CHPT1: variants seen among roughly 807,000 people sequenced by gnomAD.
CHPT1 encodes the protein choline phosphotransferase 1, also known as cholinephosphotransferase 1.
A neutral mutation model predicts 47.6 loss-of-function variants in CHPT1; 36 were observed. The observed-to-expected ratio is 0.76, with a 90% CI of 0.58 to 1.00. The LOEUF is 1.00. Among genes scored for constraint, CHPT1 ranks in the 50% least tolerant of loss-of-function variants. CHPT1 has a pLI of 0.00. For missense variants in CHPT1, 458 were observed against 498.1 expected (o/e 0.92, Z 0.77); for synonymous variants, 194 against 186.3 (o/e 1.04, Z -0.33).
In CHPT1 at chr12:101,697,996, G is replaced by A; in HGVS notation, c.135G>A (p.Pro45=). 6.4e-7 allele frequency: 1 copy of A among 1,559,018 alleles called. No homozygotes were observed. The change falls in exon 1 of 9, where the codon CCG becomes CCA. Residue 45 remains proline, a synonymous_variant. Coordinates refer to ENST00000229266, the MANE Select transcript of CHPT1 (RefSeq NM_020244.3). ...SAAGVSLLEP[P]LQLYWTWLLQ... Reference sequence around the variant, plus strand: ...CGGGCGTCTCGCTGCTCGAGCCGCCGCTGCAGCTCTACTGGACCTGGCTGC... The same window carrying A: ...CGGGCGTCTCGCTGCTCGAGCCGCCACTGCAGCTCTACTGGACCTGGCTGC...
chr12:101,716,608 G>A, intron 3 of CHPT1, 120 bp from the exon 4 acceptor site: 1 of 576,040 alleles, frequency 1.7e-6, no homozygotes, highest in Non-Finnish European at 3.0e-6. Flanking sequence ...GGAAGTAAAG[G>A]TAAAAATAAA....
At chr12:101,699,105 CA>C (rs1951511597) in intron 1 of CHPT1, among the ~76,000 whole-genome samples, 1 of 152,164 alleles carries the variant, frequency 6.6e-6, no homozygotes, top group South Asian at 2.1e-4. Context: ...GTTTTTGAGA[CA>C]GGGGTTTACT....
intron 1 of CHPT1, among the ~76,000 whole-genome samples, chr12:101,706,652 G>A (rs1951638272): frequency 6.6e-6 from 1 of 152,116 alleles, no homozygotes. Flanking sequence ...AGAACCATGA[G>A]CCAAATAAGT....
chr12:101,724,651 G>C (rs1951912453), intron 7 of CHPT1, among the ~76,000 whole-genome samples: 2 of 152,096 alleles, frequency 1.3e-5, no homozygotes, highest in African/African-American at 4.8e-5. Context: ...TTATGTGTAT[G>C]GCCCTTGAGG....
chr12:101,699,268 A>G (rs975839188), intron 1 of CHPT1, among the ~76,000 whole-genome samples: 3 of 152,116 alleles, frequency 2.0e-5, no homozygotes, highest in Non-Finnish European at 2.9e-5. Context: ...TTGTGTTTTT[A>G]GTAGATACAA....
rs749250020 is a variant in CHPT1, at chr12:101,697,924, G to C, written c.63G>C (p.Leu21=). The C allele has an allele frequency of 1.2e-5, 18 of 1,466,198 alleles. No homozygotes were observed. The African/African-American group carries it at 1.9e-4, about 15-fold the overall frequency. 90.8% of individuals were successfully genotyped at this position (1,466,198 alleles called of 1,614,324 possible). ...PRWLRALSEP[L]SAAQLRRLEE... is the part of the protein sequence containing the mutation. ...GGCTGAGGGCGCTGAGCGAGCCGCT[G>C]AGCGCGGCGCAGCTGCGGCGACTGG... The change falls in exon 1 of 9, where the codon CTG becomes CTC. Residue 21 remains leucine (L), a synonymous_variant. Coordinates refer to ENST00000229266, the MANE Select transcript of CHPT1 (RefSeq NM_020244.3).
intron 1 of CHPT1, among the ~76,000 whole-genome samples, chr12:101,710,427 A>C (rs546631269): frequency 6.7e-6 from 1 of 148,972 alleles, no homozygotes; most frequent in East Asian, 2.0e-4. Context: ...ATCTCTTGTA[A>C]ATTACCTGTT....
At chr12:101,706,448 A>G (rs982527687) in intron 1 of CHPT1, among the ~76,000 whole-genome samples, 6 of 152,202 alleles carry the variant, frequency 3.9e-5, no homozygotes, top group Non-Finnish European at 5.9e-5. Flanking sequence ...AAATGACATC[A>G]CATCGATCTA....
chr12:101,714,143 A>G lies in CHPT1; in HGVS notation c.327A>G (p.Ser109=), dbSNP rs780625407. ...CACTGGGACTTTTTATTTACCAGTC[A>G]CTGGATGCTATTGATGGGAAACAAG... is the stretch of plus-strand genomic sequence containing the variant. The part of the protein sequence containing the change: ...LCALGLFIYQ[S]LDAIDGKQAR... Residue 109 remains serine (S), a synonymous_variant, in exon 2 of 9, where the codon TCA becomes TCG. Coordinates refer to ENST00000229266, the MANE Select transcript of CHPT1 (RefSeq NM_020244.3). The G allele has an allele frequency of 6.2e-7, 1 of 1,611,508 alleles. No individual in the cohort carries two copies. Among genetic ancestry groups the G allele is most frequent in the Admixed American group, 1.7e-5 (1 of 60,000 alleles).
In CHPT1 at chr12:101,718,626, T is replaced by C. The variant is rs923191430; in HGVS notation, c.649-1497T>C. 9.7e-5 allele frequency among the ~76,000 whole-genome samples: 14 copies of C among 144,206 alleles called. 1 individual carries two copies. The highest frequency in any genetic ancestry group is 7.1e-4 in the Admixed American group (10 of 14,026). 94.6% of individuals were successfully genotyped at this position (144,206 alleles called of 152,430 possible). ...AATGAGCCATTATCATGCCACTGAC[T>C]ACACTCCTGCCTGAGTGACACAGCA... On this transcript the variant is annotated intron_variant, in intron 4 of 8. Transcript: ENST00000229266.
At chr12:101,712,136 C>T (rs1185438197) in intron 1 of CHPT1, among the ~76,000 whole-genome samples, 1 of 148,622 alleles carries the variant, frequency 6.7e-6, no homozygotes, top group Non-Finnish European at 1.5e-5. Context: ...ATCCTCCCAC[C>T]TCAGCCTCCT....
chr12:101,702,111 T>G (rs1298687368), intron 1 of CHPT1, among the ~76,000 whole-genome samples: 1 of 152,198 alleles, frequency 6.6e-6, no homozygotes, highest in African/African-American at 2.4e-5. Flanking sequence ...ACCTTAGAGA[T>G]TATTTAATGT....
intron 1 of CHPT1, among the ~76,000 whole-genome samples, chr12:101,699,310 C>T (rs1951515434): frequency 6.6e-6 from 1 of 151,532 alleles, no homozygotes; most frequent in South Asian, 2.1e-4. Flanking sequence ...CTCATGCATC[C>T]TTTAAAAACA....
At chr12:101,712,402 T>G (rs1442490091) in intron 1 of CHPT1, among the ~76,000 whole-genome samples, 1 of 148,730 alleles carries the variant, frequency 6.7e-6, no homozygotes. Context: ...TTTATTCTGT[T>G]TGGGGTTTGT....
intron 1 of CHPT1, among the ~76,000 whole-genome samples, chr12:101,709,024 C>T (rs906221772): frequency 6.7e-6 from 1 of 148,886 alleles, no homozygotes; most frequent in African/African-American, 2.4e-5. Context: ...TTCATCCTTA[C>T]ATTTAACTTT....
At chr12:101,715,850 A>G (rs184851960) in intron 3 of CHPT1, among the ~76,000 whole-genome samples, 32 of 152,298 alleles carry the variant, frequency 2.1e-4, no homozygotes, top group African/African-American at 7.7e-4. Context: ...AGGAGAGAAC[A>G]TGGAATAGAT....
At chr12:101,699,369 A>G (rs1466092703) in intron 1 of CHPT1, among the ~76,000 whole-genome samples, 2 of 142,336 alleles carry the variant, frequency 1.4e-5, no homozygotes, top group South Asian at 4.5e-4. Flanking sequence ...ATGGATTGGT[A>G]TGCTTATTAT....
intron 4 of CHPT1, chr12:101,719,617 G>A (rs1951816696): frequency 1.4e-6 from 1 of 736,126 alleles, no homozygotes; most frequent in Non-Finnish European, 2.0e-6. Context: ...GCAAATCATG[G>A]TGTCTCCCTT....
At chr12:101,705,686 G>C (rs1330026680) in intron 1 of CHPT1, among the ~76,000 whole-genome samples, 2 of 110,076 alleles carry the variant, frequency 1.8e-5, no homozygotes, top group African/African-American at 3.7e-5. Context: ...GTAGAGTCTA[G>C]AGTCTATGCC....
Sources: allele counts gnomAD v4.1 joint callset (sites outside exome capture counted in the v4.1 genomes callset), GRCh38; gene constraint gnomAD v4.1.1; transcripts MANE v1.5; gene names NCBI Gene and HGNC (gene_info 2026-07-23, HGNC 2026-07-21).